Variants in LGR6 observed in about 807,000 individuals in gnomAD.
LGR6 encodes leucine rich repeat containing G protein-coupled receptor 6.
LGR6 carries 45 observed loss-of-function variants against 69.4 expected under a neutral mutation model. That is an observed-to-expected ratio of 0.65 (90% confidence interval 0.51 to 0.83). The LOEUF is 0.83. LGR6 is among the 40% of genes least tolerant of loss of function. LGR6 has a pLI of 0.00. For missense variants in LGR6, 1,108 were observed against 1,246.7 expected, an observed-to-expected ratio of 0.89 and a Z score of 1.68; for synonymous variants, 538 against 555.0, an observed-to-expected ratio of 0.97 and a Z score of 0.43.
intron 4 of LGR6, among the ~76,000 whole-genome samples, chr1:202,238,487 G>A (rs1275295843): frequency 7.0e-6 from 1 of 143,548 alleles, no homozygotes; most frequent in Admixed American, 7.4e-5. Flanking sequence ...GCAGTGGTGC[G>A]ATCTCAGCTC....
chr1:202,313,387 A>G (rs1453896018), intron 16 of LGR6, among the ~76,000 whole-genome samples: 1 of 152,102 alleles, frequency 6.6e-6, no homozygotes, highest in Non-Finnish European at 1.5e-5. Flanking sequence ...TGCATCTGTA[A>G]ATCTCCTGAA....
chr1:202,237,255 G>A (rs1186629365), intron 4 of LGR6, among the ~76,000 whole-genome samples: 1 of 152,184 alleles, frequency 6.6e-6, no homozygotes, highest in East Asian at 1.9e-4. Context: ...CCTCACCCCT[G>A]GACAGGGCCA....
chr1:202,308,433 C>T (rs892056144), intron 14 of LGR6, among the ~76,000 whole-genome samples: 6 of 152,188 alleles, frequency 3.9e-5, no homozygotes, highest in African/African-American at 7.2e-5. Flanking sequence ...GTTTCCACGA[C>T]GCACAGTCTG....
chr1:202,311,070 G>A (rs1653684864), intron 16 of LGR6, among the ~76,000 whole-genome samples: 1 of 151,994 alleles, frequency 6.6e-6, no homozygotes, highest in Non-Finnish European at 1.5e-5. Flanking sequence ...TAGATACCAA[G>A]GGCAGATAAA....
chr1:202,269,607 C>G (rs1415256158), intron 4 of LGR6, among the ~76,000 whole-genome samples: 1 of 152,186 alleles, frequency 6.6e-6, no homozygotes, highest in Non-Finnish European at 1.5e-5. Context: ...TGGATGTGCC[C>G]CAGCCCTGTG....
At chr1:202,288,661 C>A (rs547223306) in intron 6 of LGR6, among the ~76,000 whole-genome samples, 1 of 152,196 alleles carries the variant, frequency 6.6e-6, no homozygotes, top group South Asian at 2.1e-4. Flanking sequence ...GTCCTCTAGT[C>A]AGTCCTATCA....
chr1:202,277,765 T>C (rs1000914678), intron 5 of LGR6, among the ~76,000 whole-genome samples: 4 of 148,902 alleles, frequency 2.7e-5, no homozygotes, highest in South Asian at 4.2e-4. Context: ...GTGAAACTTA[T>C]GCTAACACAG....
intron 4 of LGR6, among the ~76,000 whole-genome samples, chr1:202,254,870 C>T (rs982897223): frequency 1.4e-4 from 21 of 145,994 alleles, no homozygotes; most frequent in South Asian, 1.1e-3. Flanking sequence ...TCAGCTGGGG[C>T]TGTAACAATA....
At chr1:202,203,008 G>T (rs757494323) in intron 1 of LGR6, among the ~76,000 whole-genome samples, 1 of 152,130 alleles carries the variant, frequency 6.6e-6, no homozygotes, top group Non-Finnish European at 1.5e-5. Flanking sequence ...CATGGAGGGG[G>T]AGGAGCAGAG....
At chr1:202,249,817 T>C (rs1663077789) in intron 4 of LGR6, among the ~76,000 whole-genome samples, 1 of 152,186 alleles carries the variant, frequency 6.6e-6, no homozygotes, top group Admixed American at 6.5e-5. Context: ...TTGCCTGGGC[T>C]GCTGTAACAG....
intron 1 of LGR6, among the ~76,000 whole-genome samples, chr1:202,212,809 C>A (rs1269312291): frequency 6.6e-6 from 1 of 152,144 alleles, no homozygotes; most frequent in East Asian, 1.9e-4. Context: ...TTAGGGAGGC[C>A]ACCATTCATC....
intron 1 of LGR6, among the ~76,000 whole-genome samples, chr1:202,224,450 T>C (rs1660369146): frequency 6.6e-6 from 1 of 152,192 alleles, no homozygotes; most frequent in African/African-American, 2.4e-5. Context: ...AGTTCTGTGA[T>C]GTGCCAAGGT....
At chr1:202,314,978 C>A in intron 17 of LGR6, 96 bp downstream of exon 17, 1 of 875,150 alleles carries the variant, frequency 1.1e-6, no homozygotes, top group South Asian at 1.4e-5. Flanking sequence ...ATGTCTGCAG[C>A]CACATTCTTT....
chr1:202,280,425 G>A (rs113300806), intron 5 of LGR6, among the ~76,000 whole-genome samples: 187 of 152,280 alleles, frequency 1.2e-3, no homozygotes, highest in African/African-American at 4.4e-3. Context: ...AGGCAGACTG[G>A]GTCCTGGGGA....
chr1:202,273,883 A>G (rs1370777141), intron 4 of LGR6, among the ~76,000 whole-genome samples: 8 of 151,994 alleles, frequency 5.3e-5, no homozygotes, highest in Non-Finnish European at 1.5e-5. Flanking sequence ...TTGAAATCCT[A>G]TCCTACCTTA....
At chr1:202,200,576 C>T (rs1646923274) in intron 1 of LGR6, among the ~76,000 whole-genome samples, 1 of 152,194 alleles carries the variant, frequency 6.6e-6, no homozygotes, top group South Asian at 2.1e-4. Context: ...GCCAATCTCC[C>T]TTCCCCATGT....
chr1:202,236,939 G>A lies in LGR6; in HGVS notation c.428+946G>A, dbSNP rs1016447495. Among the ~76,000 whole-genome samples, 7 of 152,086 alleles carry A rather than the reference G, an allele frequency of 4.6e-5. No individual in the cohort carries two copies. The East Asian group carries it at 1.4e-3, about 29-fold the overall frequency. On this transcript the variant is annotated intron_variant, in intron 4 of 17. Coordinates refer to ENST00000367278, the MANE Select transcript of LGR6 (RefSeq NM_001017403.2). ...TTGGGTGGAAGGAGAAATGAGGTGG[G>A]AAAAGGTGACTTTCCTTCTCATGAC...
At chr1:202,260,745 G>A (rs1279442397) in intron 4 of LGR6, among the ~76,000 whole-genome samples, 1 of 152,104 alleles carries the variant, frequency 6.6e-6, no homozygotes, top group Non-Finnish European at 1.5e-5. Context: ...ATATAGTTGA[G>A]AATATATTTT....
intron 4 of LGR6, among the ~76,000 whole-genome samples, chr1:202,240,115 G>A (rs956657282): frequency 6.6e-6 from 1 of 152,272 alleles, no homozygotes; most frequent in East Asian, 1.9e-4. Context: ...GCTCACGCCT[G>A]TAATCCCAGC....
Sources: allele counts gnomAD v4.1 joint callset (sites outside exome capture counted in the v4.1 genomes callset), GRCh38; gene constraint gnomAD v4.1.1; transcripts MANE v1.5; gene names NCBI Gene and HGNC (gene_info 2026-07-23, HGNC 2026-07-21).